CIMIP2A: variants seen among roughly 807,000 people sequenced by gnomAD.
CIMIP2A encodes the protein ciliary microtubule inner protein 2A.
the CIMIP2A span, chr9:137,252,575 TG>T: frequency 6.4e-6 from 2 of 310,194 alleles, no homozygotes; most frequent in South Asian, 3.6e-5. Flanking sequence ...GGCAGGGGGC[TG>T]GGGGTTCCAG....
chr9:137,246,428 T>C, the CIMIP2A span, among the ~76,000 whole-genome samples: 1 of 152,108 alleles, frequency 6.6e-6, no homozygotes, highest in South Asian at 2.1e-4. Context: ...CGCCTCAGGG[T>C]CTATGTGATC....
the CIMIP2A span, chr9:137,252,326 G>T: frequency 7.4e-7 from 1 of 1,345,004 alleles, no homozygotes; most frequent in Non-Finnish European, 1.0e-6. Flanking sequence ...GGTGGACATT[G>T]TGAAGACAAG....
At chr9:137,245,478 T>C in the CIMIP2A span, 1 of 1,613,886 alleles carries the variant, frequency 6.2e-7, no homozygotes, top group South Asian at 1.1e-5. Flanking sequence ...GTATGTTCTC[T>C]ACCCCTGGCG....
chr9:137,251,311 G>C, the CIMIP2A span: 11 of 1,613,356 alleles, frequency 6.8e-6, no homozygotes, highest in Non-Finnish European at 9.3e-6. Flanking sequence ...CCAGAAGGCA[G>C]TGAAATTCCT....
the CIMIP2A span, chr9:137,253,377 C>G: frequency 2.0e-5 from 30 of 1,517,320 alleles, no homozygotes; most frequent in African/African-American, 3.4e-4. Context: ...CCCGATGCAC[C>G]CTTCTGGCTG....
chr9:137,244,081 C>T, the CIMIP2A span: 2 of 1,321,800 alleles, frequency 1.5e-6, no homozygotes, highest in Non-Finnish European at 2.2e-6. Context: ...GACAGGTGGT[C>T]CTGAACCAGC....
the CIMIP2A span, among the ~76,000 whole-genome samples, chr9:137,253,984 A>C: frequency 2.0e-5 from 3 of 152,110 alleles, no homozygotes; most frequent in East Asian, 5.8e-4. Flanking sequence ...GGGACCCTGC[A>C]CTGCCCCTGC....
the CIMIP2A span, chr9:137,251,832 A>C: frequency 6.2e-7 from 1 of 1,606,756 alleles, no homozygotes; most frequent in Middle Eastern, 1.7e-4. Flanking sequence ...AGTTGGCCTC[A>C]GGTTACAGAC....
At chr9:137,251,766 C>A in the CIMIP2A span, 1 of 1,581,666 alleles carries the variant, frequency 6.3e-7, no homozygotes, top group Non-Finnish European at 8.6e-7. Flanking sequence ...GTTGTTGGGC[C>A]CGGAGCCGGG....
At chr9:137,245,087 AC>A in the CIMIP2A span, 1 of 1,608,346 alleles carries the variant, frequency 6.2e-7, no homozygotes, top group East Asian at 2.2e-5. Flanking sequence ...GCCCACACCC[AC>A]CTGAGATGGC....
the CIMIP2A span, chr9:137,251,838 C>T: frequency 6.2e-7 from 1 of 1,607,196 alleles, no homozygotes; most frequent in South Asian, 1.1e-5. Flanking sequence ...CCTCAGGTTA[C>T]AGACGGGCAC....
chr9:137,245,694 C>T, the CIMIP2A span: 1 of 1,604,398 alleles, frequency 6.2e-7, no homozygotes, highest in Admixed American at 1.7e-5. Context: ...CCCTCGGGGG[C>T]TTGGACTGGC....
At chr9:137,245,430 G>T in the CIMIP2A span, 1 of 1,613,866 alleles carries the variant, frequency 6.2e-7, no homozygotes, top group Non-Finnish European at 8.5e-7. Context: ...GGTGCGGGGT[G>T]TCGGGCGTGA....
chr9:137,244,363 C>T, the CIMIP2A span: 4 of 1,602,358 alleles, frequency 2.5e-6, no homozygotes, highest in Non-Finnish European at 3.4e-6. Flanking sequence ...CCAGTGGGGG[C>T]CTGGCCGGAG....
chr9:137,252,101 C>G, the CIMIP2A span: 1 of 1,612,450 alleles, frequency 6.2e-7, no homozygotes, highest in Non-Finnish European at 8.5e-7. Context: ...CCCCACACCC[C>G]CACTACAGCA....
the CIMIP2A span, chr9:137,245,966 G>T: frequency 1.2e-6 from 1 of 864,598 alleles, no homozygotes; most frequent in Non-Finnish European, 1.6e-6. Flanking sequence ...GCAGCAGGTT[G>T]GCCTGTGGCA....
At chr9:137,252,177 C>T in the CIMIP2A span, 1 of 1,579,164 alleles carries the variant, frequency 6.3e-7, no homozygotes, top group Non-Finnish European at 8.6e-7. Context: ...GGGCCTGTCC[C>T]TCACCCTGGG....
the CIMIP2A span, chr9:137,253,498 A>C: frequency 2.8e-6 from 4 of 1,426,128 alleles, no homozygotes; most frequent in Non-Finnish European, 3.7e-6. Context: ...TGTGGTGTGC[A>C]GTTGTCTGTC....
At chr9:137,245,947 G>A in the CIMIP2A span, 1 of 1,078,842 alleles carries the variant, frequency 9.3e-7, no homozygotes, top group East Asian at 2.7e-5. Context: ...TCAGCCTGCT[G>A]GCCACTTAGC....
Sources: gnomAD v4.1 joint callset for allele counts (sites outside exome capture counted in the v4.1 genomes callset) on GRCh38, gnomAD v4.1.1 for gene constraint, MANE v1.5 for transcripts, NCBI Gene and HGNC (gene_info 2026-07-23, HGNC 2026-07-21) for gene names.